ACACB: variants seen among roughly 807,000 people sequenced by gnomAD.
ACACB encodes the protein acetyl-CoA carboxylase beta.
Under a neutral mutation model 278.8 loss-of-function variants are expected in ACACB, and 209 were observed. The observed-to-expected ratio is 0.75, with a 90% CI of 0.67 to 0.84. ACACB has a LOEUF of 0.84. ACACB is among the 40% of genes least tolerant of loss of function. ACACB has a pLI of 0.00. For missense variants in ACACB, 2,850 were observed against 3,269.0 expected (o/e 0.87, Z 3.13); for synonymous variants, 1,174 against 1,285.6 (o/e 0.91, Z 1.86).
At chr12:109,246,640 TG>T (rs1175838433) in intron 39 of ACACB, among the ~76,000 whole-genome samples, 192 bp downstream of exon 39, 1 of 151,532 alleles carries the variant, frequency 6.6e-6, no homozygotes, top group Non-Finnish European at 1.5e-5. Context: ...GGGATGGTGA[TG>T]AGAAAAAAAA....
intron 2 of ACACB, among the ~76,000 whole-genome samples, chr12:109,160,324 G>A (rs1269950075): frequency 3.3e-5 from 5 of 152,172 alleles, no homozygotes; most frequent in Non-Finnish European, 7.3e-5. Flanking sequence ...GAAACTGGAG[G>A]TAAATGGTCC....
chr12:109,149,138 C>G (rs1267940971), intron 2 of ACACB, among the ~76,000 whole-genome samples: 1 of 152,138 alleles, frequency 6.6e-6, no homozygotes, highest in African/African-American at 2.4e-5. Flanking sequence ...TGAAATCAGT[C>G]AACGAACTGC....
chr12:109,192,072 G>C, intron 15 of ACACB, 122 bp downstream of exon 15: 1 of 1,018,426 alleles, frequency 9.8e-7, no homozygotes, highest in Non-Finnish European at 1.5e-6. Context: ...TCTCTCCTCC[G>C]GTCTTGCCTC....
chr12:109,233,933 C>G lies in ACACB; in HGVS notation c.4240-5C>G. On this transcript the variant is annotated splice_polypyrimidine_tract_variant and splice_region_variant and intron_variant, in intron 30 of 52. Transcript: ENST00000338432. ...CCAGCCCTACCCCTTGCTTCTCCCT[C>G]TCAGAGCCTCAGAGAAGAGCCCATC... 1 of 1,613,702 alleles carries G rather than the reference C, an allele frequency of 6.2e-7. No homozygotes were observed. The highest frequency in any genetic ancestry group is 8.5e-7 in the Non-Finnish European group (1 of 1,179,742).
intron 1 of ACACB, 59 bp from the exon 2 acceptor site, chr12:109,139,338 T>C (rs1003407293): frequency 1.6e-5 from 24 of 1,508,572 alleles, no homozygotes; most frequent in Non-Finnish European, 2.2e-5. Flanking sequence ...CTAGCTTCTT[T>C]AGGAGAGAAA....
At chr12:109,226,595 A>T (rs1364521178) in intron 27 of ACACB, among the ~76,000 whole-genome samples, 1 of 149,620 alleles carries the variant, frequency 6.7e-6, no homozygotes, top group Non-Finnish European at 1.5e-5. Flanking sequence ...GCTACTCAGG[A>T]GGCTGAGGCA....
chr12:109,174,225 G>A lies in ACACB; in HGVS notation c.1211G>A (p.Gly404Glu). The change falls in exon 7 of 53, where the codon GGA becomes GAA. Residue 404 changes from glycine to glutamate, a missense_variant. Coordinates refer to ENST00000338432, the MANE Select transcript of ACACB (RefSeq NM_001093.4). ...TLQVPTLPWS[G>E]SGLTVEWTED... Reference sequence around the variant, plus strand: ...CAGGTCCCAACCCTGCCCTGGAGTGGAAGCGGTAAGGGACCCCGAGCTTCC... The same window carrying A: ...CAGGTCCCAACCCTGCCCTGGAGTGAAAGCGGTAAGGGACCCCGAGCTTCC... 1 of 1,610,756 alleles carries A rather than the reference G, an allele frequency of 6.2e-7. No homozygotes were observed. The highest frequency in any genetic ancestry group is 8.5e-7 in the Non-Finnish European group (1 of 1,178,848).
chr12:109,157,794 G>T lies in ACACB; in HGVS notation c.654-9067G>T, dbSNP rs548689064. The stretch of plus-strand genomic sequence containing the variant: ...CGCAAATGATGACTGATTTTTCATG[G>T]CATGAGAACGGGGTCACAGTTCAGA... On this transcript the variant is annotated intron_variant, in intron 2 of 52. Coordinates refer to ENST00000338432, the MANE Select transcript of ACACB (RefSeq NM_001093.4). 2.0e-5 allele frequency among the ~76,000 whole-genome samples: 3 copies of T among 152,326 alleles called. No individual in the cohort carries two copies. In the South Asian group the frequency reaches 6.2e-4, roughly 32 times the overall value.
chr12:109,210,544 C>CATGTATATATACATATATACATGT (rs2045807454), intron 21 of ACACB, among the ~76,000 whole-genome samples: 1 of 146,344 alleles, frequency 6.8e-6, no homozygotes, highest in African/African-American at 2.5e-5. Flanking sequence ...TATATACGTG[C>CATGTATATATACATATATACATGT]ATGTATATAT....
chr12:109,264,169 AT>A (rs1254341416), intron 49 of ACACB, 62 bp from the exon 50 acceptor site: 3 of 1,502,262 alleles, frequency 2.0e-6, no homozygotes, highest in Middle Eastern at 1.8e-4. Context: ...AAAAAAAAAA[AT>A]CTCCACCCCA....
chr12:109,185,797 A>G, intron 12 of ACACB, 57 bp downstream of exon 12: 1 of 1,522,412 alleles, frequency 6.6e-7, no homozygotes, highest in East Asian at 2.4e-5. Context: ...CATGTGGGGG[A>G]CCCTGGATGT....
chr12:109,234,910 C>T (rs1302086838), intron 31 of ACACB, among the ~76,000 whole-genome samples: 2 of 149,922 alleles, frequency 1.3e-5, no homozygotes, highest in African/African-American at 4.9e-5. Flanking sequence ...CACATGTATC[C>T]TGTTTTTTTT....
At position 109,195,171 on chromosome 12, in the gene ACACB, C is replaced by T. The variant is rs762978369; in HGVS notation, c.2481+1442C>T. On this transcript the variant is annotated intron_variant, in intron 16 of 52. Transcript: ENST00000338432. ...TGAGCCGGCTGTGGCATCAGTGCCC[C>T]GGGTTCCAATGCAATGGCAGGAGGC... 7.2e-5 allele frequency among the ~76,000 whole-genome samples: 11 copies of T among 152,144 alleles called. No homozygotes were observed. In the South Asian group the frequency reaches 8.3e-4, roughly 11 times the overall value.
intron 43 of ACACB, among the ~76,000 whole-genome samples, chr12:109,253,833 C>A (rs1048595577): frequency 6.6e-6 from 1 of 152,150 alleles, no homozygotes. Flanking sequence ...TTCCCAAGTG[C>A]CCCTTTTCCC....
At position 109,215,313 on chromosome 12, in the gene ACACB, C is replaced by T. The variant is rs190624072; in HGVS notation, c.3351-1305C>T. On this transcript the variant is annotated intron_variant, in intron 22 of 52. Transcript: ENST00000338432. ...TTTCTTAACTCTGTGGCCAGAAAGG[C>T]GCCCTCCCAAGTATAAGGCTTGGGA... is the stretch of plus-strand genomic sequence containing the variant. 4.0e-5 allele frequency among the ~76,000 whole-genome samples: 6 copies of T among 151,864 alleles called. No homozygotes were observed. The East Asian group carries it at 9.7e-4, about 24-fold the overall frequency.
At chr12:109,136,763 C>T (rs2042975146) in intron 1 of ACACB, among the ~76,000 whole-genome samples, 2 of 152,166 alleles carry the variant, frequency 1.3e-5, no homozygotes, top group Admixed American at 6.5e-5. Flanking sequence ...TTATCTGGCA[C>T]TTTCTACATA....
chr12:109,239,833 GC>G lies in ACACB; in HGVS notation c.4668del (p.Ser1557ProfsTer111). On this transcript the variant is annotated frameshift_variant, in exon 35 of 53. Transcript: ENST00000338432. LOFTEE classifies it high-confidence loss of function. ...IRHSDLITKE[A>X]SFEYLQNEGE... is the part of the protein sequence containing the mutation. ...TGCCCCTCCCACTCTTTGGCAGGAA[GC>G]CTCCTTCGAATACCTGCAGAACGAG... is the stretch of plus-strand genomic sequence containing the variant. 1 of 1,611,206 alleles carries G rather than the reference GC, an allele frequency of 6.2e-7. No homozygotes were observed. The highest frequency in any genetic ancestry group is 1.1e-5 in the South Asian group (1 of 90,582).
At chr12:109,241,382 T>A in intron 36 of ACACB, 101 bp downstream of exon 36, 1 of 1,214,180 alleles carries the variant, frequency 8.2e-7, no homozygotes, top group Non-Finnish European at 1.2e-6. Context: ...CGGTCTTGCC[T>A]TGCTCTCCCA....
intron 11 of ACACB, among the ~76,000 whole-genome samples, chr12:109,180,352 T>C (rs1433571973): frequency 6.6e-6 from 1 of 152,232 alleles, no homozygotes; most frequent in Non-Finnish European, 1.5e-5. Context: ...TTGGACACAT[T>C]TTATATCCTA....
Sources: gnomAD v4.1 joint callset for allele counts (sites outside exome capture counted in the v4.1 genomes callset) on GRCh38, gnomAD v4.1.1 for gene constraint, MANE v1.5 for transcripts, NCBI Gene and HGNC (gene_info 2026-07-23, HGNC 2026-07-21) for gene names.